Variants in COG6 observed in about 807,000 individuals in gnomAD.
COG6 encodes conserved oligomeric Golgi complex subunit 6.
A neutral mutation model predicts 88.8 loss-of-function variants in COG6; 74 were observed. That is an observed-to-expected ratio of 0.83 (90% CI 0.69 to 1.01). COG6 has a LOEUF of 1.01. COG6 is among the 50% of genes least tolerant of loss of function. The pLI, the probability that COG6 is intolerant of heterozygous loss-of-function variation, is 0.00. For synonymous variants in COG6, 286 were observed against 278.7 expected (o/e 1.03, Z -0.26); for missense variants, 800 against 797.9 (o/e 1.00, Z -0.03).
chr13:39,759,055 T>G (rs1322093878), intron 18 of COG6, among the ~76,000 whole-genome samples: 1 of 152,126 alleles, frequency 6.6e-6, no homozygotes, highest in African/African-American at 2.4e-5. Flanking sequence ...ATTAGCAGTT[T>G]CCAGGGGACA....
At chr13:39,685,854 T>C (rs955296061) in intron 8 of COG6, among the ~76,000 whole-genome samples, 24 of 107,756 alleles carry the variant, frequency 2.2e-4, no homozygotes, top group African/African-American at 7.3e-4. Context: ...AGCTGGATAT[T>C]GCACTTCCCC....
intron 4 of COG6, 28 bp from the exon 5 acceptor site, chr13:39,677,440 T>C (rs1876038394): frequency 7.6e-7 from 1 of 1,313,866 alleles, no homozygotes; most frequent in African/African-American, 1.4e-5. Context: ...AGATGCTTGA[T>C]TTTTATTGCT....
chr13:39,668,390 C>T (rs568962473), intron 4 of COG6, among the ~76,000 whole-genome samples: 1 of 152,142 alleles, frequency 6.6e-6, no homozygotes, highest in African/African-American at 2.4e-5. Flanking sequence ...TCCCTCTCCC[C>T]TACCTTAATT....
chr13:39,748,047 A>C (rs1303167353), intron 18 of COG6, among the ~76,000 whole-genome samples: 2 of 152,130 alleles, frequency 1.3e-5, no homozygotes, highest in African/African-American at 2.4e-5. Flanking sequence ...ATTGAGATTG[A>C]GTATAGACTT....
chr13:39,700,337 A>C (rs1409404612), intron 13 of COG6, among the ~76,000 whole-genome samples: 1 of 151,868 alleles, frequency 6.6e-6, no homozygotes, highest in Non-Finnish European at 1.5e-5. Flanking sequence ...AGTCAGTAGC[A>C]ATTTAGTCCA....
At chr13:39,770,534 A>T (rs764322957) in intron 18 of COG6, among the ~76,000 whole-genome samples, 7 of 152,222 alleles carry the variant, frequency 4.6e-5, no homozygotes, top group Non-Finnish European at 7.3e-5. Context: ...CACTGGATCC[A>T]GTATTTTTTT....
chr13:39,716,828 G>A (rs898988264), intron 13 of COG6, among the ~76,000 whole-genome samples: 1 of 152,084 alleles, frequency 6.6e-6, no homozygotes, highest in Non-Finnish European at 1.5e-5. Flanking sequence ...TACATTGTAT[G>A]CCCATCAACA....
At chr13:39,779,714 C>T (rs1881571680) in intron 18 of COG6, among the ~76,000 whole-genome samples, 1 of 152,162 alleles carries the variant, frequency 6.6e-6, no homozygotes, top group Admixed American at 6.5e-5. Context: ...ACGAAGACCT[C>T]TCCAGGGTTC....
At chr13:39,726,072 C>A (rs539737514) in intron 17 of COG6, among the ~76,000 whole-genome samples, 31 of 152,014 alleles carry the variant, frequency 2.0e-4, no homozygotes, top group African/African-American at 7.0e-4. Context: ...TATACGATGT[C>A]TCTGGAGAAA....
intron 16 of COG6, 40 bp downstream of exon 16, chr13:39,723,480 C>T (rs1489147507): frequency 3.4e-6 from 4 of 1,163,002 alleles, no homozygotes; most frequent in Non-Finnish European, 5.2e-6. Flanking sequence ...TAAGAACATG[C>T]CAGTTTAGAG....
intron 18 of COG6, among the ~76,000 whole-genome samples, chr13:39,760,983 T>C (rs1357946922): frequency 1.3e-5 from 2 of 151,862 alleles, no homozygotes; most frequent in Non-Finnish European, 2.9e-5. Flanking sequence ...CATTCTTGGC[T>C]TTCTGCTGTT....
Position 39,751,741 on chromosome 13 carries a change from T to A in COG6, c.*648T>A, listed in dbSNP as rs1461113996. On this transcript the variant is annotated 3_prime_UTR_variant, in exon 19 of 19. Coordinates refer to ENST00000455146, the MANE Select transcript of COG6 (RefSeq NM_020751.3). ...TTTTAAGTATACACTCAGCAATAAT[T>A]AGAAAAAAAGGAGAGAGAAAAGTGA... 1 of 1,286,920 alleles carries A rather than the reference T, an allele frequency of 7.8e-7. No homozygotes were observed. The highest frequency in any genetic ancestry group is 1.2e-5 in the South Asian group (1 of 80,920). The allele number at this position is 1,286,920 out of a possible 1,614,324, so 79.7% of individuals were successfully genotyped here.
At chr13:39,730,187 C>T (rs1387052216) in intron 18 of COG6, among the ~76,000 whole-genome samples, 1 of 151,646 alleles carries the variant, frequency 6.6e-6, no homozygotes, top group Non-Finnish European at 1.5e-5. Context: ...TGCCTAACAT[C>T]CTATTATGAA....
At chr13:39,730,542 G>A (rs1021911156) in intron 18 of COG6, among the ~76,000 whole-genome samples, 4 of 151,734 alleles carry the variant, frequency 2.6e-5, no homozygotes, top group African/African-American at 9.7e-5. Context: ...TTGGGAGGTC[G>A]AGGCAGGCAG....
chr13:39,687,288 G>A (rs1225221876), intron 8 of COG6, among the ~76,000 whole-genome samples: 2 of 151,890 alleles, frequency 1.3e-5, no homozygotes, highest in Non-Finnish European at 2.9e-5. Flanking sequence ...TTCTTAGGAG[G>A]GGTAAAAGTT....
At chr13:39,664,687 T>C (rs1024985081) in intron 3 of COG6, among the ~76,000 whole-genome samples, 2 of 152,128 alleles carry the variant, frequency 1.3e-5, no homozygotes, top group African/African-American at 4.8e-5. Flanking sequence ...TACATTTCTA[T>C]TGAGCTCCAC....
chr13:39,719,956 A>G, intron 15 of COG6, 129 bp downstream of exon 15: 1 of 680,026 alleles, frequency 1.5e-6, no homozygotes. Flanking sequence ...ATCTGATGAA[A>G]GGACACACAT....
At chr13:39,689,149 G>A (rs1306965739) in intron 10 of COG6, among the ~76,000 whole-genome samples, 1 of 152,162 alleles carries the variant, frequency 6.6e-6, no homozygotes, top group East Asian at 1.9e-4. Context: ...GCAGTATTAA[G>A]GAAGTAAATA....
At chr13:39,705,589 G>A (rs913959312) in intron 13 of COG6, among the ~76,000 whole-genome samples, 1 of 152,056 alleles carries the variant, frequency 6.6e-6, no homozygotes. Context: ...GATATAGCCT[G>A]TCTTAAATGA....
Sources: allele counts gnomAD v4.1 joint callset (sites outside exome capture counted in the v4.1 genomes callset), GRCh38; gene constraint gnomAD v4.1.1; transcripts MANE v1.5; gene names NCBI Gene and HGNC (gene_info 2026-07-23, HGNC 2026-07-21).